SRP72: variants seen among roughly 807,000 people sequenced by gnomAD.
The protein encoded by SRP72 is signal recognition particle subunit SRP72.
Under a neutral mutation model 96.3 loss-of-function variants are expected in SRP72, and 49 were observed. The ratio of observed to expected loss-of-function variants is 0.51; its 90% confidence interval spans 0.40 to 0.65. SRP72 has a LOEUF of 0.65. Ranked by LOEUF, SRP72 falls within the 30% of genes least tolerant of loss-of-function variation. SRP72 has a pLI of 0.00. For synonymous variants in SRP72, 267 were observed against 275.2 expected (o/e 0.97, Z 0.30); for missense variants, 736 against 793.3 (o/e 0.93, Z 0.87).
At chr4:56,474,669 G>A (rs1437431448) in intron 5 of SRP72, among the ~76,000 whole-genome samples, 2 of 151,496 alleles carry the variant, frequency 1.3e-5, no homozygotes, top group Non-Finnish European at 2.9e-5. Flanking sequence ...TCAGCCTCCC[G>A]AGTAGCTGGG....
chr4:56,490,359 G>A lies in SRP72; in HGVS notation c.1347G>A (p.Leu449=). The part of the protein sequence containing the change: ...HQPKSPAHLS[L]IREAANFKLK... ...CAAAATCTCCTGCTCATTTGTCCTT[G>A]ATAAGAGAAGCTGCAAACTTCAAAC... Residue 449 remains leucine, a synonymous_variant, in exon 14 of 19, where the codon TTG becomes TTA. Transcript: ENST00000642900. 1 of 1,613,558 alleles carries A rather than the reference G, an allele frequency of 6.2e-7. No individual in the cohort carries two copies. The highest frequency in any genetic ancestry group is 2.2e-5 in the East Asian group (1 of 44,854).
intron 16 of SRP72, 94 bp downstream of exon 16, chr4:56,491,662 T>C (rs1720913180): frequency 8.0e-7 from 1 of 1,250,442 alleles, no homozygotes; most frequent in African/African-American, 1.5e-5. Flanking sequence ...GTGAATAAAG[T>C]TCTAGTTCTC....
At chr4:56,469,825 C>G (rs779477504) in intron 2 of SRP72, 52 bp downstream of exon 2, 6 of 1,460,664 alleles carry the variant, frequency 4.1e-6, no homozygotes, top group Non-Finnish European at 5.5e-6. Flanking sequence ...CTTACTATAG[C>G]TATAATCTCT....
At chr4:56,468,673 G>A (rs1172212507) in intron 1 of SRP72, among the ~76,000 whole-genome samples, 1 of 152,148 alleles carries the variant, frequency 6.6e-6, no homozygotes, top group Non-Finnish European at 1.5e-5. Context: ...CTGGGTTAAC[G>A]TGAAAAGTAG....
chr4:56,478,733 A>G lies in SRP72; in HGVS notation c.825+84A>G, dbSNP rs533150635. ...TTTTAGTTTTGTTCTAGGATAGCCT[A>G]AGTGTTCTTTTTAACATGATGAAAA... On this transcript the variant is annotated intron_variant, in intron 8 of 18. Coordinates refer to ENST00000642900, the MANE Select transcript of SRP72 (RefSeq NM_006947.4). 2.5e-5 allele frequency: 35 copies of G among 1,385,472 alleles called. No individual in the cohort carries two copies. The South Asian group carries it at 4.1e-4, about 16-fold the overall frequency. 85.8% of individuals were successfully genotyped at this position (1,385,472 alleles called of 1,614,324 possible). A position where few individuals can be genotyped will look rare whatever the true frequency, so the allele number is the denominator to read the frequency against.
intron 6 of SRP72, 101 bp from the exon 7 acceptor site, chr4:56,478,278 T>C: frequency 8.4e-7 from 1 of 1,185,320 alleles, no homozygotes; most frequent in Non-Finnish European, 1.1e-6. Flanking sequence ...TCTGAAATTA[T>C]GTGTCTTCAG....
At chr4:56,472,562 G>C (rs1041405587) in intron 3 of SRP72, among the ~76,000 whole-genome samples, 7 of 151,890 alleles carry the variant, frequency 4.6e-5, no homozygotes, top group Admixed American at 3.9e-4. Flanking sequence ...GCCTAGGCTC[G>C]TCTCAAACTC....
chr4:56,478,032 T>TA (rs1720314599), intron 6 of SRP72, among the ~76,000 whole-genome samples: 2 of 152,190 alleles, frequency 1.3e-5, no homozygotes, highest in South Asian at 4.1e-4. Context: ...TATAAAAAGA[T>TA]ATACTTCCAT....
Position 56,491,459 on chromosome 4 carries a change from A to T in SRP72, c.1531A>T (p.Ser511Cys), listed in dbSNP as rs764251568. 6.2e-7 allele frequency: 1 copy of T among 1,613,940 alleles called. No individual in the cohort carries two copies. The highest frequency in any genetic ancestry group is 8.5e-7 in the Non-Finnish European group (1 of 1,179,908). ...ALSKHLPSSD[S>C]MSLKVDVEAL... ...TAGTAAACACTTGCCATCGTCAGAT[A>T]GTATGTCTCTAAAAGTAGATGTTGA... Residue 511 changes from serine (S) to cysteine (C), a missense_variant, in exon 16 of 19, where the codon AGT becomes TGT. Physicochemically the swap from Ser to Cys is moderately radical, Grantham distance 112. Around this residue, in one of 3 missense-constraint regions of SRP72, gnomAD observed 388 missense variants for 431.8 expected, o/e 0.90. Transcript: ENST00000642900.
At chr4:56,489,522 T>C (rs1032789946) in intron 13 of SRP72, 39 bp downstream of exon 13, 3 of 1,293,932 alleles carry the variant, frequency 2.3e-6, no homozygotes, top group East Asian at 2.4e-5. Flanking sequence ...AGCATGTTTT[T>C]ACATAAAAAT....
At chr4:56,471,239 A>G (rs757512321) in intron 2 of SRP72, among the ~76,000 whole-genome samples, 8 of 152,358 alleles carry the variant, frequency 5.3e-5, no homozygotes, top group East Asian at 3.9e-4. Context: ...AAGTGTGTGT[A>G]TGTTAGTAGT....
intron 2 of SRP72, among the ~76,000 whole-genome samples, 180 bp downstream of exon 2, chr4:56,469,953 T>C (rs1245238219): frequency 6.6e-6 from 1 of 150,720 alleles, no homozygotes; most frequent in African/African-American, 2.4e-5. Flanking sequence ...GTAACTTCTG[T>C]TTTTTTCAGC....
At chr4:56,495,078 T>TA (rs1216493071) in intron 16 of SRP72, among the ~76,000 whole-genome samples, 1 of 152,206 alleles carries the variant, frequency 6.6e-6, no homozygotes, top group African/African-American at 2.4e-5. Flanking sequence ...TACATAGACT[T>TA]AATGTGTGCC....
chr4:56,472,939 A>G lies in SRP72; in HGVS notation c.354+1096A>G, dbSNP rs79261290. ...CTTGAATGAAATCAGTAGGAATTCT[A>G]TTGTGTCTGCTTGAGACTCACCTGT... On this transcript the variant is annotated intron_variant, in intron 3 of 18. Transcript: ENST00000642900. Among the ~76,000 whole-genome samples the G allele has an allele frequency of 2.5e-3, 376 of 152,240 alleles. 3 individuals carry two copies. The highest frequency in any genetic ancestry group is 8.4e-3 in the African/African-American group (349 of 41,558).
chr4:56,472,022 A>G lies in SRP72; in HGVS notation c.354+179A>G, dbSNP rs4340842. ...TTGATCTTCATACAAACAGTTGCAT[A>G]TATAATGTGCTATGAACAAATGACT... On this transcript the variant is annotated intron_variant, in intron 3 of 18. Coordinates refer to ENST00000642900, the MANE Select transcript of SRP72 (RefSeq NM_006947.4). Among the ~76,000 whole-genome samples the G allele has an allele frequency of 0.2, 30,193 of 152,166 alleles. 3,354 individuals are homozygous for G. The highest frequency in any genetic ancestry group is 0.35 in the Admixed American group (5,381 of 15,282).
intron 9 of SRP72, 63 bp from the exon 10 acceptor site, chr4:56,484,673 G>T: frequency 6.3e-7 from 1 of 1,594,662 alleles, no homozygotes; most frequent in African/African-American, 1.3e-5. Context: ...TTTCTTTCTG[G>T]TCATTTAGTG....
chr4:56,490,619 A>G lies in SRP72; in HGVS notation c.1476A>G (p.Ser492=). The G allele has an allele frequency of 6.2e-7, 1 of 1,613,966 alleles. No individual in the cohort carries two copies. The highest frequency in any genetic ancestry group is 8.5e-7 in the Non-Finnish European group (1 of 1,179,934). The change falls in exon 15 of 19, where the codon TCA becomes TCG. Residue 492 remains serine (S), a synonymous_variant. Coordinates refer to ENST00000642900, the MANE Select transcript of SRP72 (RefSeq NM_006947.4). The part of the protein sequence containing the change: ...HTLAQLISAY[S]LVDPEKAKAL... ...TGGCACAGCTTATTTCTGCTTACTC[A>G]CTTGTAGATCCAGAGAAAGCCAAAG...
At position 56,471,862 on chromosome 4, in the gene SRP72, T is replaced by A. The variant is rs1428187449; in HGVS notation, c.354+19T>A. ...ACAAGTGGTAATTACTGCTTTTAAA[T>A]ACATGTTGACAGTGATACTGAGTGA... On this transcript the variant is annotated intron_variant, in intron 3 of 18. Coordinates refer to ENST00000642900, the MANE Select transcript of SRP72 (RefSeq NM_006947.4). The A allele has an allele frequency of 6.2e-7, 1 of 1,613,188 alleles. No homozygotes were observed. Among genetic ancestry groups the A allele is most frequent in the South Asian group, 1.1e-5 (1 of 90,944 alleles).
chr4:56,491,619 G>A, intron 16 of SRP72, 51 bp downstream of exon 16: 2 of 1,536,352 alleles, frequency 1.3e-6, no homozygotes, highest in Non-Finnish European at 1.8e-6. Flanking sequence ...AATTAGACAA[G>A]GAATAAAAAA....
Sources: allele counts gnomAD v4.1 joint callset (sites outside exome capture counted in the v4.1 genomes callset), GRCh38; gene constraint gnomAD v4.1.1; regional missense constraint gnomAD v4.1.1; transcripts MANE v1.5; gene names NCBI Gene and HGNC (gene_info 2026-07-23, HGNC 2026-07-21).